PAFAH1B2: variants seen among roughly 807,000 people sequenced by gnomAD.
The protein encoded by PAFAH1B2 is platelet-activating factor acetylhydrolase IB subunit alpha2.
In PAFAH1B2, 8 loss-of-function variants were observed where a neutral mutation model predicts 28.0. The ratio of observed to expected loss-of-function variants is 0.29; its 90% CI spans 0.17 to 0.52. PAFAH1B2 has a LOEUF of 0.52. Ranked by LOEUF, PAFAH1B2 falls within the 20% of genes least tolerant of loss-of-function variation. The pLI is 0.97. For synonymous variants in PAFAH1B2, 104 were observed against 103.2 expected (o/e 1.01, Z -0.05); for missense variants, 190 against 282.6 (o/e 0.67, Z 2.35).
chr11:117,161,058 A>C (rs1956360008), intron 3 of PAFAH1B2, 87 bp from the exon 4 acceptor site: 4 of 828,600 alleles, frequency 4.8e-6, no homozygotes, highest in Non-Finnish European at 7.9e-6. Context: ...CAGAAAAAGG[A>C]AATTAATGCC....
chr11:117,156,906 A>G (rs1018366592), intron 2 of PAFAH1B2, among the ~76,000 whole-genome samples: 24 of 152,174 alleles, frequency 1.6e-4, no homozygotes, highest in African/African-American at 5.8e-4. Flanking sequence ...AGGCTGAGGC[A>G]GGGAGGATCA....
At chr11:117,166,136 C>T (rs1189779849) in intron 5 of PAFAH1B2, among the ~76,000 whole-genome samples, 2 of 152,190 alleles carry the variant, frequency 1.3e-5, no homozygotes, top group East Asian at 3.8e-4. Context: ...AGCCACTGCG[C>T]CAGACCAGGT....
At chr11:117,163,927 C>A in intron 5 of PAFAH1B2, 35 bp downstream of exon 5, 1 of 1,602,956 alleles carries the variant, frequency 6.2e-7, no homozygotes, top group South Asian at 1.1e-5. Context: ...AGTTTGTTAT[C>A]TTTAGGTCAG....
At position 117,144,355 on chromosome 11, in the gene PAFAH1B2, A is replaced by C. The variant is rs1955940138; in HGVS notation, c.-71A>C. On this transcript the variant is annotated 5_prime_UTR_variant, in exon 1 of 6. Transcript: ENST00000527958. The stretch of plus-strand genomic sequence containing the variant: ...GGAGCGGGACCGACGGGACCGAGCG[A>C]GCGACCGACGCGCCACCCGCCGACG... 1 of 421,690 alleles carries C rather than the reference A, an allele frequency of 2.4e-6. No homozygotes were observed. The highest frequency in any genetic ancestry group is 2.1e-5 in the African/African-American group (1 of 47,680). The allele number at this position is 421,690 out of a possible 1,614,324, so 26.1% of individuals were successfully genotyped here. A position where few individuals can be genotyped will look rare whatever the true frequency, so the allele number is the denominator to read the frequency against.
At position 117,167,648 on chromosome 11, in the gene PAFAH1B2, C is replaced by A. The variant is rs569223304; in HGVS notation, c.639C>A (p.Ile213=). 5.1e-6 allele frequency: 8 copies of A among 1,583,174 alleles called. No individual in the cohort carries two copies. Among genetic ancestry groups the A allele is most frequent in the African/African-American group, 1.3e-5 (1 of 74,598 alleles). The change falls in exon 6 of 6, where the codon ATC becomes ATA. Residue 213 remains isoleucine, a synonymous_variant. Coordinates refer to ENST00000527958, the MANE Select transcript of PAFAH1B2 (RefSeq NM_002572.4). The stretch of plus-strand genomic sequence containing the variant: ...TCTGCAAACCCCTGCATGAACTGAT[C>A]ATGCAGTTGTTGGAGGAAACACCTG... ...AKICKPLHEL[I]MQLLEETPEE... is the part of the protein sequence containing the mutation.
downstream of PAFAH1B2, chr11:117,171,604 T>C: frequency 3.2e-6 from 3 of 929,098 alleles, no homozygotes; most frequent in South Asian, 4.2e-5. Flanking sequence ...GACTCATTTA[T>C]CACCCTTACG....
In PAFAH1B2 at chr11:117,169,975, T is replaced by C. The variant is rs1956610975; in HGVS notation, c.*2276T>C. 9.5e-7 allele frequency: 1 copy of C among 1,053,272 alleles called. No homozygotes were observed. The allele number at this position is 1,053,272 out of a possible 1,614,324, so 65.2% of individuals were successfully genotyped here. On this transcript the variant is annotated 3_prime_UTR_variant, in exon 6 of 6. Coordinates refer to ENST00000527958, the MANE Select transcript of PAFAH1B2 (RefSeq NM_002572.4). ...GCTCCTTTGCTCATGTGTACAAACC[T>C]CAGATGTTACTACATTTTATATCTA...
In PAFAH1B2 at chr11:117,176,093, C is replaced by G. The variant is rs139640628; in HGVS notation, c.*1195C>G. 4.8e-4 allele frequency: 322 copies of G among 669,364 alleles called. 1 individual carries two copies. The highest frequency in any genetic ancestry group is 2.8e-3 in the South Asian group (161 of 56,550). The allele number at this position is 669,364 out of a possible 1,614,324, so 41.5% of individuals were successfully genotyped here. ...TAGATGTGCTGGAAACAGTACTGGA[C>G]CAAGGTGCAAACTTGAGTCTAGTGA... On this transcript the variant is annotated 3_prime_UTR_variant, in exon 6 of 6. Transcript: ENST00000419197.
rs193211534 is a variant in PAFAH1B2, at chr11:117,153,802, A to G, written c.81+1274A>G. Among the ~76,000 whole-genome samples the G allele has an allele frequency of 7.3e-3, 1,117 of 152,274 alleles. 52 individuals carry two copies. Among genetic ancestry groups the G allele is most frequent in the Admixed American group, 0.069 (1,047 of 15,280 alleles). ...TCAGCATGTTTTCTTAAAAACAAGG[A>G]CTTTTCTTAAATAACTATAGGATAG... On this transcript the variant is annotated intron_variant, in intron 2 of 5. Coordinates refer to ENST00000527958, the MANE Select transcript of PAFAH1B2 (RefSeq NM_002572.4).
chr11:117,171,404 C>T (rs1565277788), downstream of PAFAH1B2, among the ~76,000 whole-genome samples: 1 of 152,104 alleles, frequency 6.6e-6, no homozygotes, highest in Non-Finnish European at 1.5e-5. Flanking sequence ...ATTGGCCGGG[C>T]TCACGCCTGT....
At chr11:117,161,041 T>C (rs1278099636) in intron 3 of PAFAH1B2, 104 bp from the exon 4 acceptor site, 1 of 754,038 alleles carries the variant, frequency 1.3e-6, no homozygotes, top group Non-Finnish European at 2.3e-6. Flanking sequence ...AGTGTTATCT[T>C]TGAATACAGA....
chr11:117,176,080 A>C (rs1489878294), exon 6 of PAFAH1B2: 1 of 736,520 alleles, frequency 1.4e-6, no homozygotes, highest in Non-Finnish European at 2.3e-6. Context: ...GATGTGCTGG[A>C]AACAGTACTG....
intron 2 of PAFAH1B2, among the ~76,000 whole-genome samples, chr11:117,158,938 C>T (rs1956312408): frequency 1.3e-5 from 2 of 152,172 alleles, no homozygotes; most frequent in South Asian, 4.1e-4. Context: ...AGCCACCGCA[C>T]CATTTGGTTT....
rs188539846 is a variant in PAFAH1B2 at position 117,154,565 on chromosome 11, T to C, written c.81+2037T>C. ...AAGTGATCCACCACCGCTTCTCAAG[T>C]AGCTGGGACCACAGGTGCATGCCAC... On this transcript the variant is annotated intron_variant, in intron 2 of 5. Transcript: ENST00000527958. Among the ~76,000 whole-genome samples, 671 of 152,250 alleles carry C rather than the reference T, an allele frequency of 4.4e-3. 8 individuals are homozygous for C. The highest frequency in any genetic ancestry group is 0.015 in the African/African-American group (622 of 41,552).
At chr11:117,156,140 A>G (rs1009294985) in intron 2 of PAFAH1B2, among the ~76,000 whole-genome samples, 17 of 152,212 alleles carry the variant, frequency 1.1e-4, no homozygotes, top group African/African-American at 4.1e-4. Context: ...GTAAGCTGTG[A>G]TCATGCACTG....
At chr11:117,146,180 GGC>G (rs1956003411) in intron 1 of PAFAH1B2, among the ~76,000 whole-genome samples, 1 of 149,744 alleles carries the variant, frequency 6.7e-6, no homozygotes, top group Admixed American at 6.7e-5. Flanking sequence ...GGAGTGCAGT[GGC>G]GCGATCTCTA....
At chr11:117,164,064 C>A in intron 5 of PAFAH1B2, 172 bp downstream of exon 5, 1 of 621,624 alleles carries the variant, frequency 1.6e-6, no homozygotes, top group Non-Finnish European at 2.7e-6. Flanking sequence ...TTCATCATTC[C>A]CCATACCAGC....
chr11:117,156,106 TGAGTCTGG>T (rs2134186522), intron 2 of PAFAH1B2, among the ~76,000 whole-genome samples: 1 of 152,298 alleles, frequency 6.6e-6, no homozygotes, highest in East Asian at 1.9e-4. Context: ...GAGGATTGCT[TGAGTCTGG>T]GAGTTTGAGA....
At chr11:117,144,570 G>T (rs1402168717) in intron 1 of PAFAH1B2, among the ~76,000 whole-genome samples, 152 bp downstream of exon 1, 1 of 150,726 alleles carries the variant, frequency 6.6e-6, no homozygotes, top group African/African-American at 2.4e-5. Flanking sequence ...GGGGGGCCTC[G>T]CGAGCGCGCG....
Sources: gnomAD v4.1 joint callset for allele counts (sites outside exome capture counted in the v4.1 genomes callset) on GRCh38, gnomAD v4.1.1 for gene constraint, MANE v1.5 for transcripts, NCBI Gene and HGNC (gene_info 2026-07-23, HGNC 2026-07-21) for gene names.